Variants in AQR observed in about 807,000 individuals in gnomAD.
AQR encodes RNA helicase aquarius.
In AQR, 61 loss-of-function variants were observed where a neutral mutation model predicts 180.5. The observed-to-expected ratio is 0.34, with a 90% confidence interval of 0.28 to 0.42. The LOEUF (loss-of-function observed/expected upper bound fraction) is 0.42. Ranked by LOEUF, AQR falls within the 10% of genes least tolerant of loss-of-function variation. AQR has a pLI of 1.00. For synonymous variants in AQR, 551 were observed against 588.8 expected, an observed-to-expected ratio of 0.94 and a Z score of 0.93; for missense variants, 1,281 against 1,798.3, an observed-to-expected ratio of 0.71 and a Z score of 5.20.
intron 13 of AQR, among the ~76,000 whole-genome samples, chr15:34,923,293 T>A (rs1000183674): frequency 6.6e-6 from 1 of 152,162 alleles, no homozygotes; most frequent in African/African-American, 2.4e-5. Flanking sequence ...ACACATCCCC[T>A]GCGGAAAGTA....
At chr15:34,896,786 C>G in intron 22 of AQR, 111 bp downstream of exon 22, 1 of 868,354 alleles carries the variant, frequency 1.2e-6, no homozygotes, top group Non-Finnish European at 1.9e-6. Context: ...GAGGCAGAGG[C>G]TGCAGTGAGC....
At chr15:34,950,828 A>C (rs776931795) in intron 4 of AQR, among the ~76,000 whole-genome samples, 9 of 152,154 alleles carry the variant, frequency 5.9e-5, no homozygotes, top group Non-Finnish European at 1.2e-4. Context: ...GTATAGTTGG[A>C]ATACATATGC....
chr15:34,965,841 T>C (rs550454060), intron 1 of AQR, among the ~76,000 whole-genome samples: 4 of 152,304 alleles, frequency 2.6e-5, no homozygotes, highest in South Asian at 2.1e-4. Flanking sequence ...ATTAAGAGAA[T>C]TGAGTCTAAC....
chr15:34,885,054 C>T (rs768363443), intron 25 of AQR, among the ~76,000 whole-genome samples: 3 of 152,168 alleles, frequency 2.0e-5, no homozygotes, highest in Non-Finnish European at 2.9e-5. Flanking sequence ...TTATTATTAA[C>T]GCTTAAAAGA....
At chr15:34,940,592 A>AAGAT (rs1894008779) in intron 8 of AQR, among the ~76,000 whole-genome samples, 1 of 152,278 alleles carries the variant, frequency 6.6e-6, no homozygotes, top group Admixed American at 6.5e-5. Flanking sequence ...TAATAGCCTG[A>AAGAT]AGATAGTGGA....
chr15:34,905,277 G>A (rs1276656173), intron 18 of AQR, among the ~76,000 whole-genome samples: 1 of 151,886 alleles, frequency 6.6e-6, no homozygotes, highest in Non-Finnish European at 1.5e-5. Flanking sequence ...AGCATAAACT[G>A]ACTAAAGTTT....
At chr15:34,920,209 A>C in intron 14 of AQR, 123 bp downstream of exon 14, 1 of 645,768 alleles carries the variant, frequency 1.5e-6, no homozygotes, top group Non-Finnish European at 2.6e-6. Context: ...TTCCAAAAAC[A>C]AAATGGGAAT....
At chr15:34,903,482 G>C (rs1221682687) in intron 19 of AQR, among the ~76,000 whole-genome samples, 2 of 152,104 alleles carry the variant, frequency 1.3e-5, no homozygotes, top group African/African-American at 2.4e-5. Flanking sequence ...CATCAGCAGA[G>C]GTGATGAGCT....
rs901314038 is a variant in AQR, at chr15:34,969,686, C to T, written c.-73G>A. ...GGCAGCGGCAACCCTGGTCCACTTC[C>T]CTTAAGTTACTGCCGGGGCGCTTAA... is the stretch of plus-strand genomic sequence containing the variant. On this transcript the variant is annotated 5_prime_UTR_variant, in exon 1 of 35. Transcript: ENST00000156471. 2 of 1,477,746 alleles carry T rather than the reference C, an allele frequency of 1.4e-6. No homozygotes were observed. Among genetic ancestry groups the T allele is most frequent in the Admixed American group, 2.1e-5 (1 of 47,176 alleles). 91.5% of individuals were successfully genotyped at this position (1,477,746 alleles called of 1,614,324 possible).
chr15:34,881,433 A>G (rs1044061003), intron 27 of AQR, among the ~76,000 whole-genome samples: 8 of 152,238 alleles, frequency 5.3e-5, no homozygotes, highest in African/African-American at 1.4e-4. Context: ...TTTTTAATTC[A>G]AACCCATATA....
chr15:34,864,482 T>TA (rs1264427669), intron 32 of AQR, among the ~76,000 whole-genome samples: 1 of 152,180 alleles, frequency 6.6e-6, no homozygotes, highest in African/African-American at 2.4e-5. Flanking sequence ...CACATTTCCT[T>TA]AAAACCCCAA....
intron 5 of AQR, among the ~76,000 whole-genome samples, chr15:34,947,558 T>C (rs934128769): frequency 4.9e-5 from 7 of 143,716 alleles, no homozygotes; most frequent in African/African-American, 1.9e-4. Flanking sequence ...AAAATAAAAA[T>C]AAGACAAAAA....
intron 27 of AQR, among the ~76,000 whole-genome samples, chr15:34,877,080 T>A (rs1179163989): frequency 6.6e-6 from 1 of 152,248 alleles, no homozygotes; most frequent in Non-Finnish European, 1.5e-5. Flanking sequence ...CCCAGTAATG[T>A]TAGGTATTAC....
rs775619149 is a variant in AQR, at chr15:34,882,676, A to T, written c.3028-37T>A. 6 of 1,584,368 alleles carry T rather than the reference A, an allele frequency of 3.8e-6. No homozygotes were observed. In the South Asian group the frequency reaches 7.0e-5, roughly 19 times the overall value. On this transcript the variant is annotated intron_variant, in intron 26 of 34. Coordinates refer to ENST00000156471, the MANE Select transcript of AQR (RefSeq NM_014691.3). The stretch of plus-strand genomic sequence containing the variant: ...AGGAGCAATGAAAGATAATTTTAGG[A>T]AAACGGAGTTTTGCACATAACCATA...
chr15:34,887,508 T>C (rs1893080772), intron 24 of AQR, among the ~76,000 whole-genome samples: 1 of 152,212 alleles, frequency 6.6e-6, no homozygotes, highest in Non-Finnish European at 1.5e-5. Flanking sequence ...GTTCTTAATG[T>C]TTGCTGAATC....
rs557693461 is a variant in AQR at position 34,889,689 on chromosome 15, T to C, written c.2681+526A>G. On this transcript the variant is annotated intron_variant, in intron 24 of 34. Transcript: ENST00000156471. Reference sequence around the variant, plus strand: ...TCACTAATTTGCATTCTTTTTTTTTTGAGACAGAGTCTTGCTCTGTCGCCA... The same window carrying C: ...TCACTAATTTGCATTCTTTTTTTTTCGAGACAGAGTCTTGCTCTGTCGCCA... Among the ~76,000 whole-genome samples, 3 of 152,270 alleles carry C rather than the reference T, an allele frequency of 2.0e-5. No individual in the cohort carries two copies. In the South Asian group the frequency reaches 6.2e-4, roughly 32 times the overall value.
chr15:34,888,297 CAATA>C (rs543980353), intron 24 of AQR, among the ~76,000 whole-genome samples: 5 of 151,110 alleles, frequency 3.3e-5, no homozygotes, highest in South Asian at 4.2e-4. Flanking sequence ...GACTCTGTCC[CAATA>C]AATAAATAAA....
At position 34,893,653 on chromosome 15, in the gene AQR, A is replaced by G. The variant is rs755392737; in HGVS notation, c.2571+10T>C. On this transcript the variant is annotated intron_variant, in intron 23 of 34. Coordinates refer to ENST00000156471, the MANE Select transcript of AQR (RefSeq NM_014691.3). Reference sequence around the variant, plus strand: ...CACACACACACACACACACACACACAGTCATTTACCTGATTGGAATGAGTA... The same window carrying G: ...CACACACACACACACACACACACACGGTCATTTACCTGATTGGAATGAGTA... The G allele has an allele frequency of 7.0e-6, 11 of 1,578,116 alleles. No homozygotes were observed. Among genetic ancestry groups the G allele is most frequent in the African/African-American group, 1.4e-5 (1 of 71,746 alleles).
intron 6 of AQR, chr15:34,942,974 T>C: frequency 1.6e-6 from 2 of 1,271,914 alleles, no homozygotes; most frequent in South Asian, 1.3e-5. Flanking sequence ...ATCTTGTTTC[T>C]GTTTAGTTTC....
Sources: gnomAD v4.1 joint callset for allele counts (sites outside exome capture counted in the v4.1 genomes callset) on GRCh38, gnomAD v4.1.1 for gene constraint, MANE v1.5 for transcripts, NCBI Gene and HGNC (gene_info 2026-07-23, HGNC 2026-07-21) for gene names.